Variants in NLRP14 observed in about 807,000 individuals in gnomAD.
The protein encoded by NLRP14 is NACHT, LRR and PYD domains-containing protein 14.
In NLRP14, 105 loss-of-function variants were observed where a neutral mutation model predicts 94.7. The observed-to-expected ratio is 1.11, with a 90% CI of 0.95 to 1.30. The LOEUF (loss-of-function observed/expected upper bound fraction) is 1.30. Ranked by LOEUF, NLRP14 falls within the 50% of genes most tolerant of loss-of-function variation. The pLI is 0.00. For missense variants in NLRP14, 1,362 were observed against 1,254.1 expected (o/e 1.09, Z -1.30); for synonymous variants, 508 against 459.9 (o/e 1.10, Z -1.34).
At chr11:7,060,382 AT>A (rs1489630792) in intron 9 of NLRP14, among the ~76,000 whole-genome samples, 9 of 151,988 alleles carry the variant, frequency 5.9e-5, no homozygotes, top group Non-Finnish European at 1.2e-4. Flanking sequence ...AGAAGCTAAA[AT>A]TGTTCTCTAC....
Position 7,071,469 on chromosome 11 carries a change from T to C in NLRP14, c.*161T>C, listed in dbSNP as rs1349577661. ...CATCTACTTCTCTGTAAAATGTCTG[T>C]TCTACTTCACACAGTGGTCGAGAGG... On this transcript the variant is annotated 3_prime_UTR_variant, in exon 12 of 12. Coordinates refer to ENST00000299481, the MANE Select transcript of NLRP14 (RefSeq NM_176822.4). Among the ~76,000 whole-genome samples the C allele has an allele frequency of 6.7e-6, 1 of 150,308 alleles. No homozygotes were observed. Among genetic ancestry groups the C allele is most frequent in the Non-Finnish European group, 1.5e-5 (1 of 67,710 alleles).
rs1565024304 is a variant in NLRP14 at position 7,059,894 on chromosome 11, G to A, written c.2634G>A (p.Val878=). The change falls in exon 9 of 12, where the codon GTG becomes GTA. Residue 878 remains valine, a splice_region_variant and synonymous_variant. Coordinates refer to ENST00000299481, the MANE Select transcript of NLRP14 (RefSeq NM_176822.4). ...QHAQCTLKSL[V]LRRCHFTSLS... is the part of the protein sequence containing the mutation. The stretch of plus-strand genomic sequence containing the variant: ...TTTCTTCACATTGTCCTTCCTGTAG[G>A]CTGAGGCGTTGCCATTTCACTTCAC... 1 of 1,611,350 alleles carries A rather than the reference G, an allele frequency of 6.2e-7. No homozygotes were observed. Among genetic ancestry groups the A allele is most frequent in the Non-Finnish European group, 8.5e-7 (1 of 1,177,986 alleles).
At chr11:7,048,629 T>C (rs756102504) in intron 5 of NLRP14, among the ~76,000 whole-genome samples, 1 of 152,314 alleles carries the variant, frequency 6.6e-6, no homozygotes, top group East Asian at 1.9e-4. Flanking sequence ...TACATATAGA[T>C]GTAGTAAGAC....
intron 9 of NLRP14, 67 bp from the exon 10 acceptor site, chr11:7,062,266 C>A: frequency 7.4e-7 from 1 of 1,356,478 alleles, no homozygotes; most frequent in Non-Finnish European, 1.1e-6. Context: ...CTGGGTATAT[C>A]TCCTAGGAAG....
At chr11:7,078,919 A>G in the NLRP14 span, among the ~76,000 whole-genome samples, 1 of 152,222 alleles carries the variant, frequency 6.6e-6, no homozygotes, top group Non-Finnish European at 1.5e-5. Flanking sequence ...CCATTGAACC[A>G]GAACTCAATC....
chr11:7,023,731 T>C (rs1851977568), intron 1 of NLRP14, among the ~76,000 whole-genome samples: 1 of 151,978 alleles, frequency 6.6e-6, no homozygotes, highest in Non-Finnish European at 1.5e-5. Context: ...GGAAGTACGG[T>C]GCTTGCATCT....
intron 2 of NLRP14, 46 bp from the exon 3 acceptor site, chr11:7,039,668 A>G: frequency 6.9e-7 from 1 of 1,448,426 alleles, no homozygotes; most frequent in Non-Finnish European, 9.7e-7. Context: ...ATGAAAGCTC[A>G]CTTTGTTTTC....
chr11:7,055,248 T>C (rs1353703369), intron 6 of NLRP14, among the ~76,000 whole-genome samples: 2 of 152,132 alleles, frequency 1.3e-5, no homozygotes, highest in African/African-American at 2.4e-5. Context: ...GCCTATCCTC[T>C]TAGTGGAAAT....
At chr11:7,068,246 C>A (rs1852736631) in intron 10 of NLRP14, among the ~76,000 whole-genome samples, 1 of 151,960 alleles carries the variant, frequency 6.6e-6, no homozygotes, top group South Asian at 2.1e-4. Context: ...TCTTATTTTT[C>A]TTCTTGTACT....
intron 1 of NLRP14, among the ~76,000 whole-genome samples, chr11:7,026,171 G>A (rs12421704): frequency 3.2e-4 from 49 of 152,100 alleles, no homozygotes; most frequent in African/African-American, 1.0e-3. Context: ...TAATTAAACT[G>A]AAGAGCTTCT....
chr11:7,040,864 G>A (rs2119607700), intron 3 of NLRP14, among the ~76,000 whole-genome samples: 1 of 152,206 alleles, frequency 6.6e-6, no homozygotes, highest in South Asian at 2.1e-4. Flanking sequence ...TATGGTATGA[G>A]AAAAATCACA....
At chr11:7,046,898 C>T in intron 5 of NLRP14, 66 bp downstream of exon 5, 1 of 1,207,198 alleles carries the variant, frequency 8.3e-7, no homozygotes, top group Non-Finnish European at 1.2e-6. Context: ...ATCTTCCACT[C>T]ATACTCGTTA....
intron 4 of NLRP14, among the ~76,000 whole-genome samples, chr11:7,044,467 C>G (rs558592971): frequency 3.0e-4 from 45 of 152,318 alleles, no homozygotes; most frequent in African/African-American, 1.1e-3. Context: ...CTCGCTTTCT[C>G]TATTGCCCAG....
intron 9 of NLRP14, among the ~76,000 whole-genome samples, chr11:7,061,999 A>G (rs1852629497): frequency 6.6e-6 from 1 of 152,028 alleles, no homozygotes; most frequent in Admixed American, 6.6e-5. Flanking sequence ...TTAAAGATAT[A>G]TTAAAAACTG....
At chr11:7,078,313 C>G in the NLRP14 span, among the ~76,000 whole-genome samples, 1 of 150,860 alleles carries the variant, frequency 6.6e-6, no homozygotes, top group Non-Finnish European at 1.5e-5. Context: ...TGGCGGGCAC[C>G]TGTAGTCCCA....
chr11:7,062,598 A>C, intron 10 of NLRP14, 95 bp downstream of exon 10: 1 of 1,076,772 alleles, frequency 9.3e-7, no homozygotes, highest in South Asian at 1.3e-5. Flanking sequence ...TAAAAACTAA[A>C]TGGGGCTAGA....
At chr11:7,048,818 A>G (rs1421878837) in intron 5 of NLRP14, among the ~76,000 whole-genome samples, 1 of 152,192 alleles carries the variant, frequency 6.6e-6, no homozygotes. Context: ...GTGGGATGAC[A>G]CCATGATGAC....
At chr11:7,085,798 A>C in the NLRP14 span, among the ~76,000 whole-genome samples, 2 of 152,212 alleles carry the variant, frequency 1.3e-5, no homozygotes, top group African/African-American at 4.8e-5. Context: ...TTGTTTATGA[A>C]ATAGTGACAA....
chr11:7,066,174 T>A (rs146491325), intron 10 of NLRP14, among the ~76,000 whole-genome samples: 1 of 152,188 alleles, frequency 6.6e-6, no homozygotes, highest in African/African-American at 2.4e-5. Flanking sequence ...AACATACATG[T>A]GCATGTGTCT....
Sources: allele counts gnomAD v4.1 joint callset (sites outside exome capture counted in the v4.1 genomes callset), GRCh38; gene constraint gnomAD v4.1.1; transcripts MANE v1.5; gene names NCBI Gene and HGNC (gene_info 2026-07-23, HGNC 2026-07-21).